Variants in ELAVL2 observed in about 807,000 individuals in gnomAD.
ELAVL2 encodes ELAV like RNA binding protein 2.
In ELAVL2, 4 loss-of-function variants were observed where a neutral mutation model predicts 34.6. The observed-to-expected ratio is 0.12, with a 90% CI of 0.06 to 0.26. The LOEUF is 0.26. Among genes scored for constraint, ELAVL2 ranks in the 10% least tolerant of loss-of-function variants. The probability of loss-of-function intolerance (pLI) is 1.00; values close to 1 mark genes in which losing one functional copy is unlikely to be tolerated. For missense variants in ELAVL2, 432 were observed against 442.8 expected (o/e 0.98, Z 0.22); for synonymous variants, 193 against 154.8 (o/e 1.25, Z -1.83).
chr9:23,849,840 C>T, the ELAVL2 span: 1 of 152,132 alleles, frequency 6.6e-6, no homozygotes, highest in East Asian at 1.9e-4. Context: ...GAGGATTCCC[C>T]TTCAAACCAC....
At chr9:23,746,315 G>C (rs1234630057) in intron 2 of ELAVL2, among the ~76,000 whole-genome samples, 3 of 152,006 alleles carry the variant, frequency 2.0e-5, no homozygotes, top group Admixed American at 6.6e-5. Flanking sequence ...GCTTACTTTT[G>C]AGTTAAAAAA....
chr9:23,779,375 C>G (rs1038623295), intron 1 of ELAVL2: 1 of 985,396 alleles, frequency 1.0e-6, no homozygotes, highest in African/African-American at 1.7e-5. Flanking sequence ...GGGAAGAAAG[C>G]AACGCCCTGC....
At chr9:23,771,942 T>G (rs974269447) in intron 1 of ELAVL2, among the ~76,000 whole-genome samples, 2 of 152,328 alleles carry the variant, frequency 1.3e-5, no homozygotes, top group Admixed American at 6.5e-5. Context: ...AACCCCATTC[T>G]TTCATTCCAA....
chr9:23,838,074 T>C, the ELAVL2 span, among the ~76,000 whole-genome samples: 1 of 152,172 alleles, frequency 6.6e-6, no homozygotes, highest in South Asian at 2.1e-4. Context: ...TTAAAAATAG[T>C]GTTTATTATT....
At chr9:23,828,649 A>G (rs1209478893), upstream of ELAVL2, among the ~76,000 whole-genome samples, 2 of 152,172 alleles carry the variant, frequency 1.3e-5, no homozygotes, top group African/African-American at 4.8e-5. Flanking sequence ...GCATAGTGAC[A>G]AAATATTATT....
At chr9:23,783,343 G>T in intron 1 of ELAVL2, 3 of 513,610 alleles carry the variant, frequency 5.8e-6, no homozygotes, top group Non-Finnish European at 5.0e-6. Context: ...TCAGCTCACA[G>T]TCTGAAGCCA....
At chr9:23,808,317 ACT>A (rs1339686996) in intron 1 of ELAVL2, among the ~76,000 whole-genome samples, 5 of 151,918 alleles carry the variant, frequency 3.3e-5, no homozygotes, top group East Asian at 1.9e-4. Context: ...CCTCCAATAA[ACT>A]CTAAGTTTCA....
chr9:23,784,371 G>C (rs1450917525), intron 1 of ELAVL2, among the ~76,000 whole-genome samples: 1 of 152,194 alleles, frequency 6.6e-6, no homozygotes, highest in Non-Finnish European at 1.5e-5. Context: ...AACTGGGACA[G>C]TGATCAGAAG....
intron 1 of ELAVL2, among the ~76,000 whole-genome samples, chr9:23,773,187 G>T (rs1240333084): frequency 1.3e-5 from 2 of 152,182 alleles, no homozygotes; most frequent in African/African-American, 2.4e-5. Flanking sequence ...TTGTTAATCT[G>T]CTACATAAGA....
intron 1 of ELAVL2, among the ~76,000 whole-genome samples, chr9:23,792,578 TCTCATGCTATCACTTG>T: frequency 6.6e-6 from 1 of 152,140 alleles, no homozygotes; most frequent in Non-Finnish European, 1.5e-5. Flanking sequence ...CCCAAAAACA[TCTCATGCTATCACTTG>T]CTCAAATACC....
chr9:23,778,224 G>A (rs2058530762), intron 1 of ELAVL2, among the ~76,000 whole-genome samples: 1 of 152,144 alleles, frequency 6.6e-6, no homozygotes, highest in African/African-American at 2.4e-5. Flanking sequence ...TGAAAAGAAG[G>A]ACAAAGGAAA....
In ELAVL2 at chr9:23,692,296, C is replaced by T. The variant is rs1191101381; in HGVS notation, c.*261G>A. On this transcript the variant is annotated 3_prime_UTR_variant, in exon 7 of 7. Transcript: ENST00000397312. ...TGAAACACTTTAAAAGGTCCACCTT[C>T]TTCAAAGAAGGCAATAGAATGCAAT... 5.4e-6 allele frequency: 2 copies of T among 370,272 alleles called. No homozygotes were observed. Among genetic ancestry groups the T allele is most frequent in the Non-Finnish European group, 9.7e-6 (2 of 206,416 alleles). The allele number at this position is 370,272 out of a possible 1,614,324, so 22.9% of individuals were successfully genotyped here.
intron 1 of ELAVL2, among the ~76,000 whole-genome samples, chr9:23,819,244 A>T (rs2138456305): frequency 6.6e-6 from 1 of 152,306 alleles, no homozygotes; most frequent in East Asian, 1.9e-4. Context: ...TTCTCCCTTA[A>T]CCTACCAGGA....
intron 1 of ELAVL2, among the ~76,000 whole-genome samples, chr9:23,771,399 C>A (rs1412941492): frequency 6.6e-6 from 1 of 151,340 alleles, no homozygotes; most frequent in Non-Finnish European, 1.5e-5. Context: ...GACAGTTGTG[C>A]CTTAAAAGAA....
In ELAVL2 at chr9:23,691,807, G is replaced by A. The variant is rs1587115104; in HGVS notation, c.*750C>T. ...GGTAAATTTTAAAAGCTCACTAGGT[G>A]TCATATGAAGAGATTTCTCAAAGTA... On this transcript the variant is annotated 3_prime_UTR_variant, in exon 7 of 7. Transcript: ENST00000397312. 6.6e-6 allele frequency: 1 copy of A among 152,452 alleles called. No individual in the cohort carries two copies. Among genetic ancestry groups the A allele is most frequent in the Non-Finnish European group, 1.5e-5 (1 of 67,996 alleles). 9.4% of individuals were successfully genotyped at this position (152,452 alleles called of 1,614,324 possible). A position where few individuals can be genotyped will look rare whatever the true frequency, so the allele number is the denominator to read the frequency against.
chr9:23,830,625 C>CACACACACACACACACACACACACA, upstream of ELAVL2, among the ~76,000 whole-genome samples: 1 of 142,000 alleles, frequency 7.0e-6, no homozygotes, highest in Non-Finnish European at 1.5e-5. Flanking sequence ...CACACACACA[C>CACACACACACACACACACACACACA]CTTTTTTTTT....
At chr9:23,805,181 G>A (rs1034876205) in intron 1 of ELAVL2, among the ~76,000 whole-genome samples, 9 of 152,096 alleles carry the variant, frequency 5.9e-5, no homozygotes, top group Admixed American at 1.3e-4. Context: ...AAAGAAAGAC[G>A]TTAATCATTT....
chr9:23,717,858 G>C (rs561272204), intron 3 of ELAVL2, among the ~76,000 whole-genome samples: 1 of 152,088 alleles, frequency 6.6e-6, no homozygotes, highest in Non-Finnish European at 1.5e-5. Flanking sequence ...CACTCAAAAT[G>C]TTTATAAAAT....
At chr9:23,728,268 A>G (rs1288783047) in intron 3 of ELAVL2, among the ~76,000 whole-genome samples, 2 of 152,100 alleles carry the variant, frequency 1.3e-5, no homozygotes, top group African/African-American at 4.8e-5. Context: ...CAGGAGCTGG[A>G]ACAACCTGGA....
Sources: gnomAD v4.1 joint callset for allele counts (sites outside exome capture counted in the v4.1 genomes callset) on GRCh38, gnomAD v4.1.1 for gene constraint, MANE v1.5 for transcripts, NCBI Gene and HGNC (gene_info 2026-07-23, HGNC 2026-07-21) for gene names.